Variants in PTGER4 observed in about 807,000 individuals in gnomAD.
The protein encoded by PTGER4 is prostaglandin E receptor 4, also known as prostaglandin E2 receptor EP4 subtype.
Under a neutral mutation model 33.2 loss-of-function variants are expected in PTGER4, and 11 were observed. The observed-to-expected ratio is 0.33, with a 90% confidence interval of 0.21 to 0.55. The LOEUF is 0.55. PTGER4 is among the 20% of genes least tolerant of loss of function. The pLI, the probability that PTGER4 is intolerant of heterozygous loss-of-function variation, is 0.92. For missense variants in PTGER4, 481 were observed against 650.2 expected (o/e 0.74, Z 2.83); for synonymous variants, 275 against 281.5 (o/e 0.98, Z 0.23).
At chr5:40,711,938 G>C in the PTGER4 span, among the ~76,000 whole-genome samples, 1 of 152,096 alleles carries the variant, frequency 6.6e-6, no homozygotes, top group Non-Finnish European at 1.5e-5. Flanking sequence ...AACTGCAAAA[G>C]GGCTTTAGAG....
chr5:40,692,995 TA>T lies in PTGER4; in HGVS notation c.*619del. On this transcript the variant is annotated 3_prime_UTR_variant, in exon 3 of 3. Transcript: ENST00000302472. ...TCGAGTCAAAGTTGAAAATTCATAGTAAGATTGATATCTATAAAATAGATAT... is the reference window on the plus strand; with the variant it reads ...TCGAGTCAAAGTTGAAAATTCATAGTAGATTGATATCTATAAAATAGATAT... 2.2e-6 allele frequency: 2 copies of T among 918,106 alleles called. No homozygotes were observed. The highest frequency in any genetic ancestry group is 2.6e-6 in the Non-Finnish European group (2 of 768,514). The allele number at this position is 918,106 out of a possible 1,614,324, so 56.9% of individuals were successfully genotyped here.
At chr5:40,704,971 A>T in the PTGER4 span, among the ~76,000 whole-genome samples, 55,461 of 151,800 alleles carry the variant, frequency 0.37, 10,821 homozygotes, top group Admixed American at 0.47. Context: ...CTAGAAAAAA[A>T]TTTTTTTTAA....
chr5:40,699,516 T>C, the PTGER4 span, among the ~76,000 whole-genome samples: 1 of 152,062 alleles, frequency 6.6e-6, no homozygotes, highest in African/African-American at 2.4e-5. Flanking sequence ...GAGGGCAACA[T>C]ATCATGACTT....
chr5:40,681,727 C>T lies in PTGER4; in HGVS notation c.734C>T (p.Ser245Phe). The change falls in exon 2 of 3, where the codon TCC (serine) becomes TTC (phenylalanine). Residue 245 changes from serine to phenylalanine, a missense_variant. Transcript: ENST00000302472. The surrounding 1 kb of genome is among the most constrained non-coding windows in gnomAD (Gnocchi z 9.8). Reference sequence around the variant, plus strand: ...GCCTCCCGGGGCCACCCCGCTGCCTCCCCAGCCTTGCCGCGCCTCAGCGAC... The same window carrying T: ...GCCTCCCGGGGCCACCCCGCTGCCTTCCCAGCCTTGCCGCGCCTCAGCGAC... ...SVASRGHPAA[S>F]PALPRLSDFR... 1.3e-6 allele frequency: 2 copies of T among 1,596,694 alleles called. No individual in the cohort carries two copies. The highest frequency in any genetic ancestry group is 1.7e-6 in the Non-Finnish European group (2 of 1,176,060).
the PTGER4 span, chr5:40,716,415 C>T: frequency 9.9e-6 from 16 of 1,613,708 alleles, no homozygotes; most frequent in East Asian, 1.6e-4. Flanking sequence ...GCTCCTGGAG[C>T]GTTCTTGCCC....
At position 40,691,193 on chromosome 5, in the gene PTGER4, G is replaced by T. The variant is rs544283784; in HGVS notation, c.868-586G>T. On this transcript the variant is annotated intron_variant, in intron 2 of 2. Coordinates refer to ENST00000302472, the MANE Select transcript of PTGER4 (RefSeq NM_000958.3). The surrounding 1 kb of genome is among the most constrained non-coding windows in gnomAD (Gnocchi z 4.2). The stretch of plus-strand genomic sequence containing the variant: ...GTGCCGCCACACCTGGCTAATTTTT[G>T]TTTTTTTGAGACGGAGTCTCGCTCT... Among the ~76,000 whole-genome samples, 2 of 151,234 alleles carry T rather than the reference G, an allele frequency of 1.3e-5. No homozygotes were observed. The highest frequency in any genetic ancestry group is 4.2e-4 in the South Asian group (2 of 4,768).
At position 40,683,316 on chromosome 5, in the gene PTGER4, T is replaced by G. The variant is rs1741243564; in HGVS notation, c.867+1456T>G. The stretch of plus-strand genomic sequence containing the variant: ...AGAATACAGTAGGTTCTTACCAATT[T>G]GTATAAACAGAAGTAAATATAATAG... On this transcript the variant is annotated intron_variant, in intron 2 of 2. Coordinates refer to ENST00000302472, the MANE Select transcript of PTGER4 (RefSeq NM_000958.3). The surrounding 1 kb of genome is among the most constrained non-coding windows in gnomAD (Gnocchi z 4.2). 1.3e-5 allele frequency among the ~76,000 whole-genome samples: 2 copies of G among 152,218 alleles called. No individual in the cohort carries two copies.
intron 2 of PTGER4, among the ~76,000 whole-genome samples, chr5:40,687,031 TTTTG>T (rs1267413605): frequency 4.0e-5 from 6 of 151,606 alleles, no homozygotes; most frequent in Non-Finnish European, 8.8e-5. Flanking sequence ...CAGTGAGTTT[TTTTG>T]TTTTTGTTTT....
chr5:40,696,417 A>G (rs1405743873), downstream of PTGER4, among the ~76,000 whole-genome samples: 1 of 152,184 alleles, frequency 6.6e-6, no homozygotes, highest in Non-Finnish European at 1.5e-5. Flanking sequence ...TTATGATCTC[A>G]AGATTGTCAT....
At chr5:40,707,156 C>T in the PTGER4 span, among the ~76,000 whole-genome samples, 23 of 152,174 alleles carry the variant, frequency 1.5e-4, no homozygotes. Context: ...ATCATAATGA[C>T]AGGATCAAAT....
intron 2 of PTGER4, among the ~76,000 whole-genome samples, chr5:40,690,627 C>G (rs1471286381): frequency 6.6e-6 from 1 of 152,220 alleles, no homozygotes; most frequent in Non-Finnish European, 1.5e-5. Context: ...TTCTGGGTAA[C>G]AGGAGATCCT....
the PTGER4 span, among the ~76,000 whole-genome samples, chr5:40,745,580 A>C: frequency 2.6e-5 from 4 of 151,854 alleles, no homozygotes; most frequent in African/African-American, 4.8e-5. Flanking sequence ...GCTGGAACCC[A>C]ATAGCAGAGT....
chr5:40,720,943 GACC>G, the PTGER4 span, among the ~76,000 whole-genome samples: 2 of 152,072 alleles, frequency 1.3e-5, no homozygotes, highest in African/African-American at 2.4e-5. Context: ...CTGTTTTTTG[GACC>G]ACTGTTAAAA....
Position 40,692,581 on chromosome 5 carries a change from A to T in PTGER4, c.*203A>T. ...TGAGGCCTGCAGCACGTCGGATGCT[A>T]CCCCACTATGACAGAGGATTGTGGT... On this transcript the variant is annotated 3_prime_UTR_variant, in exon 3 of 3. Coordinates refer to ENST00000302472, the MANE Select transcript of PTGER4 (RefSeq NM_000958.3). The T allele has an allele frequency of 7.4e-7, 1 of 1,360,316 alleles. No individual in the cohort carries two copies. Among genetic ancestry groups the T allele is most frequent in the Non-Finnish European group, 9.5e-7 (1 of 1,057,666 alleles). 84.3% of individuals were successfully genotyped at this position (1,360,316 alleles called of 1,614,324 possible).
chr5:40,726,519 GAGA>G, the PTGER4 span, among the ~76,000 whole-genome samples: 1 of 147,430 alleles, frequency 6.8e-6, no homozygotes, highest in Admixed American at 6.8e-5. Flanking sequence ...CATAAAAACA[GAGA>G]AGATTCCTAA....
the PTGER4 span, among the ~76,000 whole-genome samples, chr5:40,739,353 G>C: frequency 6.6e-6 from 1 of 152,164 alleles, no homozygotes; most frequent in South Asian, 2.1e-4. Flanking sequence ...GAGAACTGAT[G>C]TATTAACAAA....
At chr5:40,735,595 A>C in the PTGER4 span, among the ~76,000 whole-genome samples, 12 of 152,216 alleles carry the variant, frequency 7.9e-5, no homozygotes, top group African/African-American at 2.7e-4. Flanking sequence ...TGAAGAAAGA[A>C]GAATAAATAC....
chr5:40,746,731 C>T, the PTGER4 span: 6 of 1,140,060 alleles, frequency 5.3e-6, no homozygotes, highest in African/African-American at 7.9e-5. Flanking sequence ...AACTCTTCAT[C>T]CCATTACGGA....
chr5:40,728,038 T>C, the PTGER4 span, among the ~76,000 whole-genome samples: 2 of 151,966 alleles, frequency 1.3e-5, no homozygotes, highest in African/African-American at 4.8e-5. Context: ...TCCCAGCACT[T>C]TGGGAGGCCG....
Sources: gnomAD v4.1 joint callset for allele counts (sites outside exome capture counted in the v4.1 genomes callset) on GRCh38, gnomAD v4.1.1 for gene constraint, Gnocchi (gnomAD v3.1) non-coding constraint, MANE v1.5 for transcripts, NCBI Gene and HGNC (gene_info 2026-07-23, HGNC 2026-07-21) for gene names.